The following WDR7 variants were observed in gnomAD, a reference collection of about 807,000 sequenced individuals.
WDR7 encodes the protein WD repeat domain 7, also known as WD repeat-containing protein 7.
A neutral mutation model predicts 169.4 loss-of-function variants in WDR7; 46 were observed. The observed-to-expected ratio is 0.27, with a 90% CI of 0.21 to 0.35. The LOEUF (loss-of-function observed/expected upper bound fraction) is 0.35. WDR7 is among the 10% of genes least tolerant of loss of function. WDR7 has a pLI of 1.00. For synonymous variants in WDR7, 612 were observed against 666.8 expected (o/e 0.92, Z 1.27); for missense variants, 1,534 against 1,859.3 (o/e 0.83, Z 3.22).
chr18:56,682,646 C>T, intron 4 of WDR7, 33 bp from the exon 5 acceptor site: 1 of 1,597,788 alleles, frequency 6.3e-7, no homozygotes, highest in Non-Finnish European at 8.5e-7. Flanking sequence ...GGAGAACACT[C>T]AGAAATCTTT....
chr18:56,969,680 T>G (rs1274684445), intron 26 of WDR7, among the ~76,000 whole-genome samples: 1 of 152,240 alleles, frequency 6.6e-6, no homozygotes, highest in East Asian at 1.9e-4. Context: ...TTTGTTAATG[T>G]TTTCATTAAT....
intron 21 of WDR7, among the ~76,000 whole-genome samples, chr18:56,887,625 A>G (rs894061006): frequency 3.3e-5 from 5 of 152,178 alleles, no homozygotes; most frequent in Admixed American, 6.5e-5. Context: ...AATATTTTAA[A>G]GGTAAACATG....
chr18:56,717,596 A>G (rs1024780247), intron 12 of WDR7, among the ~76,000 whole-genome samples: 22 of 152,214 alleles, frequency 1.4e-4, no homozygotes, highest in African/African-American at 5.3e-4. Context: ...AGCAGCTCCC[A>G]CAGCAAACAA....
At chr18:56,720,847 ACAAT>A (rs10550152) in intron 13 of WDR7, among the ~76,000 whole-genome samples, 14,036 of 152,106 alleles carry the variant, frequency 0.092, 842 homozygotes, top group Non-Finnish European at 0.14. Flanking sequence ...ATTTGGGTAA[ACAAT>A]CAGTCAATAT....
intron 26 of WDR7, among the ~76,000 whole-genome samples, chr18:56,976,870 C>T (rs2047573262): frequency 6.6e-6 from 1 of 152,152 alleles, no homozygotes; most frequent in African/African-American, 2.4e-5. Flanking sequence ...GGGGTGGGCC[C>T]AAGGAAGGCA....
chr18:56,939,398 A>C lies in WDR7; in HGVS notation c.4064+5A>C. 6.4e-7 allele frequency: 1 copy of C among 1,561,998 alleles called. No homozygotes were observed. Among genetic ancestry groups the C allele is most frequent in the Non-Finnish European group, 8.7e-7 (1 of 1,155,172 alleles). ...ATGTTTCCCAGCCATCTGCAGGTAA[A>C]GAAGCCTTCAAGAGCATGCAGAATA... On this transcript the variant is annotated splice_donor_5th_base_variant and intron_variant, in intron 25 of 27. Coordinates refer to ENST00000254442, the MANE Select transcript of WDR7 (RefSeq NM_015285.3).
chr18:56,882,514 A>T (rs1380026262), intron 21 of WDR7, among the ~76,000 whole-genome samples: 1 of 152,218 alleles, frequency 6.6e-6, no homozygotes, highest in Non-Finnish European at 1.5e-5. Context: ...TATTCAGTAG[A>T]ATATTTAACT....
chr18:56,881,592 A>G (rs921874227), intron 21 of WDR7, among the ~76,000 whole-genome samples: 1 of 152,088 alleles, frequency 6.6e-6, no homozygotes, highest in African/African-American at 2.4e-5. Context: ...ATGTGCTGTA[A>G]CTTTACAATT....
At chr18:56,685,643 G>A (rs1021198617) in intron 5 of WDR7, among the ~76,000 whole-genome samples, 6 of 152,092 alleles carry the variant, frequency 3.9e-5, no homozygotes, top group Non-Finnish European at 8.8e-5. Flanking sequence ...ATTAGAAGTT[G>A]TAAATTTTGA....
intron 21 of WDR7, among the ~76,000 whole-genome samples, chr18:56,901,200 C>T (rs2046396240): frequency 6.6e-6 from 1 of 152,110 alleles, no homozygotes; most frequent in Non-Finnish European, 1.5e-5. Context: ...AGGAGTTTAA[C>T]ACCAGTGTGG....
At chr18:56,761,979 T>C (rs931066714) in intron 16 of WDR7, among the ~76,000 whole-genome samples, 3 of 152,066 alleles carry the variant, frequency 2.0e-5, no homozygotes, top group African/African-American at 7.2e-5. Context: ...AATTATGATA[T>C]TTCCTATATG....
intron 26 of WDR7, among the ~76,000 whole-genome samples, chr18:56,980,655 A>G (rs1033529762): frequency 6.6e-6 from 1 of 152,244 alleles, no homozygotes; most frequent in African/African-American, 2.4e-5. Flanking sequence ...AGGGAGAACT[A>G]AAAGGATGAT....
At chr18:56,739,780 T>A (rs1463261458) in intron 14 of WDR7, among the ~76,000 whole-genome samples, 1 of 152,074 alleles carries the variant, frequency 6.6e-6, no homozygotes, top group Non-Finnish European at 1.5e-5. Context: ...TAAGCTATCA[T>A]TCTTATTGTT....
intron 27 of WDR7, among the ~76,000 whole-genome samples, chr18:57,023,316 G>C (rs568524899): frequency 6.6e-6 from 1 of 152,144 alleles, no homozygotes; most frequent in South Asian, 2.1e-4. Context: ...TCCAGTAAGT[G>C]TACTGTAATA....
chr18:57,006,042 A>C (rs1568310105), intron 26 of WDR7, among the ~76,000 whole-genome samples: 1 of 152,202 alleles, frequency 6.6e-6, no homozygotes, highest in Non-Finnish European at 1.5e-5. Context: ...CTTACTCCTA[A>C]AGGAAAATAT....
intron 21 of WDR7, among the ~76,000 whole-genome samples, chr18:56,884,268 A>C (rs1485932534): frequency 5.3e-5 from 8 of 151,970 alleles, no homozygotes; most frequent in Non-Finnish European, 1.2e-4. Flanking sequence ...GATGTTGACC[A>C]TTTTTTTCAT....
At chr18:56,715,203 A>T (rs1273757047) in intron 12 of WDR7, among the ~76,000 whole-genome samples, 1 of 152,182 alleles carries the variant, frequency 6.6e-6, no homozygotes. Flanking sequence ...GCTAAATTAC[A>T]AACTATGGTA....
At chr18:57,012,460 G>A (rs35391783) in intron 26 of WDR7, among the ~76,000 whole-genome samples, 44,942 of 146,584 alleles carry the variant, frequency 0.31, 7,467 homozygotes, top group East Asian at 0.77. Flanking sequence ...GGGGTTCTGC[G>A]AGGTCCCCTG....
the WDR7 span, chr18:57,034,863 C>T: frequency 6.6e-6 from 1 of 152,042 alleles, no homozygotes; most frequent in East Asian, 1.9e-4. Flanking sequence ...AGCTTCATCT[C>T]CTACAGCCAA....
Sources: allele counts gnomAD v4.1 joint callset (sites outside exome capture counted in the v4.1 genomes callset), GRCh38; gene constraint gnomAD v4.1.1; transcripts MANE v1.5; gene names NCBI Gene and HGNC (gene_info 2026-07-23, HGNC 2026-07-21).